PTPRD: variants seen among roughly 807,000 people sequenced by gnomAD.
PTPRD encodes the protein receptor-type tyrosine-protein phosphatase delta.
Under a neutral mutation model 214.5 loss-of-function variants are expected in PTPRD, and 34 were observed. That is an observed-to-expected ratio of 0.16 (90% CI 0.12 to 0.21). The LOEUF is 0.21. PTPRD is among the 10% of genes least tolerant of loss of function. The pLI is 1.00. For synonymous variants in PTPRD, 1,128 were observed against 845.7 expected, an observed-to-expected ratio of 1.33 and a Z score of -5.79; for missense variants, 2,545 against 2,398.7, an observed-to-expected ratio of 1.06 and a Z score of -1.27.
rs1245284728 is a variant in PTPRD at position 10,231,989 on chromosome 9, A to AGAGAGAGAGAGTGTGT, written c.-545+108973_-545+108974insACACACTCTCTCTCTC. ...GAGAGAGAGAGAGAGAGAGAGAGAG[A>AGAGAGAGAGAGTGTGT]GTGTGTGTGTGTGTGTGTGTGTGTG... On this transcript the variant is annotated intron_variant, in intron 3 of 45. Transcript: ENST00000381196. Among the ~76,000 whole-genome samples the AGAGAGAGAGAGTGTGT allele has an allele frequency of 1.8e-3, 166 of 92,466 alleles. 1 individual carries two copies. Among genetic ancestry groups the AGAGAGAGAGAGTGTGT allele is most frequent in the African/African-American group, 7.8e-3 (147 of 18,934 alleles). The allele number at this position is 92,466 out of a possible 152,430, so 60.7% of individuals were successfully genotyped here. A position where few individuals can be genotyped will look rare whatever the true frequency, so the allele number is the denominator to read the frequency against.
intron 11 of PTPRD, among the ~76,000 whole-genome samples, chr9:9,003,774 G>A (rs2099436846): frequency 6.6e-6 from 1 of 152,028 alleles, no homozygotes; most frequent in Non-Finnish European, 1.5e-5. Context: ...CTGGAAAAAG[G>A]CTCTTCTCTT....
chr9:9,369,707 T>A lies in PTPRD; in HGVS notation c.-203+27742A>T, dbSNP rs201838468. ...GCCCATGCCTATGTCCTGAATGGTA[T>A]TGCCTAGGTTTTCTTCTAGGATTTT... is the stretch of plus-strand genomic sequence containing the variant. On this transcript the variant is annotated intron_variant, in intron 9 of 45. Transcript: ENST00000381196. Among the ~76,000 whole-genome samples the A allele has an allele frequency of 3.3e-5, 5 of 152,262 alleles. 1 individual carries two copies. The highest frequency in any genetic ancestry group is 2.9e-5 in the Non-Finnish European group (2 of 68,014).
intron 39 of PTPRD, among the ~76,000 whole-genome samples, chr9:8,367,756 G>C (rs764496103): frequency 2.6e-5 from 4 of 152,136 alleles, no homozygotes; most frequent in Admixed American, 6.5e-5. Context: ...CATTAACAGA[G>C]TCAATTTAAA....
chr9:9,430,761 C>A (rs961675424), intron 8 of PTPRD, among the ~76,000 whole-genome samples: 3 of 152,102 alleles, frequency 2.0e-5, no homozygotes, highest in Non-Finnish European at 2.9e-5. Flanking sequence ...CATCTACAAC[C>A]ATCTGATCTT....
intron 8 of PTPRD, among the ~76,000 whole-genome samples, chr9:9,411,829 T>G (rs150402932): frequency 5.3e-5 from 8 of 152,194 alleles, no homozygotes; most frequent in Non-Finnish European, 7.3e-5. Context: ...AATAAATGTG[T>G]GTTTTTGAAA....
At chr9:8,563,677 C>T (rs1393945915) in intron 14 of PTPRD, among the ~76,000 whole-genome samples, 1 of 151,328 alleles carries the variant, frequency 6.6e-6, no homozygotes, top group East Asian at 1.9e-4. Flanking sequence ...CCTTGTGTTC[C>T]ACCCGCCTTG....
rs929877076 is a variant in PTPRD, at chr9:10,572,842, C to G, written c.-600+39556G>C. On this transcript the variant is annotated intron_variant, in intron 2 of 45. Transcript: ENST00000381196. Reference sequence around the variant, plus strand: ...AGAACCAGAATGAAACAGTGTCCATCCACAGAGCTCACTCCAATTTGCCCC... The same window carrying G: ...AGAACCAGAATGAAACAGTGTCCATGCACAGAGCTCACTCCAATTTGCCCC... 2.0e-5 allele frequency among the ~76,000 whole-genome samples: 3 copies of G among 152,066 alleles called. No individual in the cohort carries two copies. The East Asian group carries it at 5.8e-4, about 29-fold the overall frequency.
intron 11 of PTPRD, chr9:8,859,906 TGTG>T (rs2098066843): frequency 6.6e-6 from 1 of 152,140 alleles, no homozygotes; most frequent in Admixed American, 6.5e-5. Flanking sequence ...AATCAATTCT[TGTG>T]CAAGCCTTCA....
chr9:9,421,577 T>C (rs148134358), intron 8 of PTPRD, among the ~76,000 whole-genome samples: 163 of 152,216 alleles, frequency 1.1e-3, no homozygotes, highest in African/African-American at 3.5e-3. Flanking sequence ...AACTTAGAAA[T>C]ACACCCCATG....
rs530930427 is a variant in PTPRD at position 9,912,195 on chromosome 9, G to A, written c.-368+26312C>T. Among the ~76,000 whole-genome samples the A allele has an allele frequency of 5.3e-5, 8 of 151,954 alleles. No homozygotes were observed. The East Asian group carries it at 5.8e-4, about 11-fold the overall frequency. ...AGCAAATAAATACACTTTTTTAATC[G>A]TTTAATTTAAAATCAAAATAAAAGA... On this transcript the variant is annotated intron_variant, in intron 5 of 45. Transcript: ENST00000381196.
chr9:8,468,773 TAC>T (rs1056523831), intron 31 of PTPRD, among the ~76,000 whole-genome samples: 14 of 135,430 alleles, frequency 1.0e-4, no homozygotes, highest in Admixed American at 4.8e-4. Flanking sequence ...ATAAAATTAC[TAC>T]AGTGCTTTTA....
intron 3 of PTPRD, among the ~76,000 whole-genome samples, chr9:10,308,034 T>A (rs1255753964): frequency 6.6e-6 from 1 of 151,824 alleles, no homozygotes; most frequent in Non-Finnish European, 1.5e-5. Flanking sequence ...ACTTTCTTGA[T>A]TTTTTTTCCC....
intron 9 of PTPRD, among the ~76,000 whole-genome samples, chr9:9,256,490 T>C (rs141342022): frequency 1.3e-5 from 2 of 152,012 alleles, no homozygotes; most frequent in African/African-American, 4.8e-5. Flanking sequence ...TAAACTCTTC[T>C]AATCCAGCCC....
intron 11 of PTPRD, among the ~76,000 whole-genome samples, chr9:8,742,309 AC>A (rs2092121798): frequency 6.6e-6 from 1 of 152,142 alleles, no homozygotes; most frequent in Admixed American, 6.5e-5. Context: ...TTGAGGAATG[AC>A]TAAATTTAGC....
In PTPRD at chr9:8,893,421, G is replaced by T. The variant is rs141681551; in HGVS notation, c.-104+125276C>A. Among the ~76,000 whole-genome samples the T allele has an allele frequency of 4.8e-3, 736 of 152,260 alleles. 13 individuals carry two copies. Among genetic ancestry groups the T allele is most frequent in the Non-Finnish European group, 6.8e-3 (462 of 68,018 alleles). ...AAAGGCTTGTAGAGAAACAGAAAGC[G>T]AAGTGACCAAGAAAGGACCATGATG... On this transcript the variant is annotated intron_variant, in intron 11 of 45. Coordinates refer to ENST00000381196, the MANE Select transcript of PTPRD (RefSeq NM_002839.4).
intron 10 of PTPRD, among the ~76,000 whole-genome samples, chr9:9,169,222 A>C (rs937718114): frequency 6.6e-6 from 1 of 151,944 alleles, no homozygotes; most frequent in Non-Finnish European, 1.5e-5. Flanking sequence ...GTTTTATTTC[A>C]CTTTATATAA....
intron 12 of PTPRD, among the ~76,000 whole-genome samples, chr9:8,660,546 G>C (rs939129854): frequency 6.6e-6 from 1 of 152,082 alleles, no homozygotes; most frequent in African/African-American, 2.4e-5. Flanking sequence ...CCCATTTTCA[G>C]TTATGCCTCC....
At chr9:8,926,759 T>A (rs77917375) in intron 11 of PTPRD, among the ~76,000 whole-genome samples, 6,652 of 152,300 alleles carry the variant, frequency 0.044, 316 homozygotes, top group East Asian at 0.19. Flanking sequence ...GGCTGTGCAC[T>A]TACTGAGTGA....
intron 11 of PTPRD, among the ~76,000 whole-genome samples, chr9:8,794,632 T>C (rs1272650964): frequency 1.3e-5 from 2 of 151,692 alleles, no homozygotes; most frequent in Non-Finnish European, 2.9e-5. Flanking sequence ...GCATGTGTCA[T>C]GGCCCCCAGC....
Sources: allele counts gnomAD v4.1 joint callset (sites outside exome capture counted in the v4.1 genomes callset), GRCh38; gene constraint gnomAD v4.1.1; transcripts MANE v1.5; gene names NCBI Gene and HGNC (gene_info 2026-07-23, HGNC 2026-07-21).